Variants in SHANK1 observed in about 807,000 individuals in gnomAD.
The protein encoded by SHANK1 is SH3 and multiple ankyrin repeat domains 1.
SHANK1 carries 35 observed loss-of-function variants against 165.6 expected under a neutral mutation model. The observed-to-expected ratio is 0.21, with a 90% CI of 0.16 to 0.28. The LOEUF (loss-of-function observed/expected upper bound fraction) is 0.28. SHANK1 is among the 10% of genes least tolerant of loss of function. The pLI is 1.00. For missense variants in SHANK1, 2,681 were observed against 3,036.4 expected, an observed-to-expected ratio of 0.88 and a Z score of 2.75; for synonymous variants, 1,428 against 1,384.8, an observed-to-expected ratio of 1.03 and a Z score of -0.69.
At chr19:50,669,338 T>G in intron 22 of SHANK1, 53 bp from the exon 23 acceptor site, 2 of 1,208,862 alleles carry the variant, frequency 1.7e-6, no homozygotes, top group Non-Finnish European at 2.4e-6. Flanking sequence ...AGGGTCTCCC[T>G]GCTCCACTAT....
chr19:50,686,502 C>A lies in SHANK1; in HGVS notation c.2459-147G>T. The A allele has an allele frequency of 1.4e-6, 1 of 720,406 alleles. No individual in the cohort carries two copies. Among genetic ancestry groups the A allele is most frequent in the East Asian group, 2.6e-5 (1 of 38,582 alleles). 44.6% of individuals were successfully genotyped at this position (720,406 alleles called of 1,614,324 possible). On this transcript the variant is annotated intron_variant, in intron 20 of 23. Transcript: ENST00000293441. This position sits in a 1 kb window ranked among gnomAD's most constrained non-coding sequence, Gnocchi z 5.7. ...GCAGCCCTGCCTGGGTCCGGGTGGA[C>A]GGGCAGTCCCGCTTGGAGACACAAT...
Position 50,667,649 on chromosome 19 carries a change from C to A in SHANK1, c.4311G>T (p.Pro1437=). 7.1e-7 allele frequency: 1 copy of A among 1,401,512 alleles called. No homozygotes were observed. 86.8% of individuals were successfully genotyped at this position (1,401,512 alleles called of 1,614,324 possible). Residue 1437 remains proline (P), a synonymous_variant, in exon 23 of 24, where the codon CCG becomes CCT. Transcript: ENST00000293441. This position sits in a 1 kb window ranked among gnomAD's most constrained non-coding sequence, Gnocchi z 5.7. ...GSQEKSLPAS[P]PAARRSLLHR... is the part of the protein sequence containing the mutation. ...GTAGCAGGGAACGCCGGGCGGCGGGCGGGCTGGCGGGAAGGGACTTCTCCT... is the reference window on the plus strand; with the variant it reads ...GTAGCAGGGAACGCCGGGCGGCGGGAGGGCTGGCGGGAAGGGACTTCTCCT...
chr19:50,681,551 G>A (rs118001464), intron 21 of SHANK1, among the ~76,000 whole-genome samples: 3,953 of 152,260 alleles, frequency 0.026, 69 homozygotes, highest in Non-Finnish European at 0.04. Flanking sequence ...AACTGGGTTC[G>A]TGCAGGGTAG....
At position 50,668,982 on chromosome 19, in the gene SHANK1, A is replaced by C; in HGVS notation, c.2978T>G (p.Leu993Arg). ...GGGCGGGTGGTGGTGGGCCGGGGGC[A>C]GGGGCCCACTGTGGTACAGGCTCTT... is the stretch of plus-strand genomic sequence containing the variant. ...REKSLYHSGP[L>R]PPAHHHPPHH... Residue 993 changes from leucine (L) to arginine (R), a missense_variant, in exon 23 of 24, where the codon CTG (leucine) becomes CGG (arginine). Leu to Arg is a moderately radical substitution (Grantham distance 102). Transcript: ENST00000293441. 3.8e-6 allele frequency: 2 copies of C among 530,154 alleles called. No homozygotes were observed. The highest frequency in any genetic ancestry group is 5.9e-6 in the Non-Finnish European group (2 of 339,908). 32.8% of individuals were successfully genotyped at this position (530,154 alleles called of 1,614,324 possible). A position where few individuals can be genotyped will look rare whatever the true frequency, so the allele number is the denominator to read the frequency against.
chr19:50,676,136 C>T (rs1323576603), intron 21 of SHANK1, among the ~76,000 whole-genome samples: 1 of 130,708 alleles, frequency 7.7e-6, no homozygotes. Context: ...TGTCTCACCC[C>T]CAATTTTTTT....
chr19:50,668,982 AG>A lies in SHANK1; in HGVS notation c.2977del (p.Leu993CysfsTer350). 1.9e-6 allele frequency: 1 copy of A among 530,154 alleles called. No homozygotes were observed. The highest frequency in any genetic ancestry group is 2.3e-5 in the South Asian group (1 of 44,284). The allele number at this position is 530,154 out of a possible 1,614,324, so 32.8% of individuals were successfully genotyped here. A position where few individuals can be genotyped will look rare whatever the true frequency, so the allele number is the denominator to read the frequency against. On this transcript the variant is annotated frameshift_variant, in exon 23 of 24. Transcript: ENST00000293441. LOFTEE classifies it high-confidence loss of function. ...GGGCGGGTGGTGGTGGGCCGGGGGC[AG>A]GGGCCCACTGTGGTACAGGCTCTTC... ...REKSLYHSGP[L>X]PPAHHHPPHH...
chr19:50,672,158 A>G (rs1985816968), intron 21 of SHANK1, 44 bp from the exon 22 acceptor site: 1 of 1,488,282 alleles, frequency 6.7e-7, no homozygotes, highest in Non-Finnish European at 9.3e-7. Context: ...AAAGATAGAG[A>G]GAGATCAGTC....
chr19:50,678,357 G>A (rs919963640), intron 21 of SHANK1, among the ~76,000 whole-genome samples: 5 of 152,018 alleles, frequency 3.3e-5, no homozygotes, highest in Non-Finnish European at 7.4e-5. Context: ...AGTCCAGGCA[G>A]GAGAGGACAG....
At position 50,703,795 on chromosome 19, in the gene SHANK1, G is replaced by A; in HGVS notation, c.1258C>T (p.Arg420Ter). The A allele has an allele frequency of 1.4e-6, 2 of 1,427,554 alleles. No homozygotes were observed. The highest frequency in any genetic ancestry group is 1.8e-6 in the Non-Finnish European group (2 of 1,095,576). The allele number at this position is 1,427,554 out of a possible 1,614,324, so 88.4% of individuals were successfully genotyped here. ...FQESPKYAARRRGPPGTGLTV... is the reference protein window; with the variant it reads ...FQESPKYAAR ...AGCCCTGTGCCTGGGGGCCCCCGTC[G>A]CCGGGCCGCGTACTTGGGGGACTCC... The change falls in exon 11 of 24, where the codon CGA becomes TGA. Residue 420 changes from arginine to a stop codon, truncating the protein, a stop_gained. Coordinates refer to ENST00000293441, the MANE Select transcript of SHANK1 (RefSeq NM_016148.5). LOFTEE classifies it high-confidence loss of function.
At chr19:50,705,384 A>G (rs2123181651) in intron 8 of SHANK1, among the ~76,000 whole-genome samples, 2 of 152,330 alleles carry the variant, frequency 1.3e-5, no homozygotes, top group Middle Eastern at 6.8e-3. Context: ...TGTTGAAATG[A>G]TAATGTTTTA....
rs1416334959 is a variant in SHANK1, at chr19:50,659,777, C to A, written c.*2188G>T. On this transcript the variant is annotated 3_prime_UTR_variant, in exon 24 of 24. Coordinates refer to ENST00000293441, the MANE Select transcript of SHANK1 (RefSeq NM_016148.5). ...TCCCCACCCCGACCTCTCCTCCCCC[C>A]CCCACCCCCTACACCCTCCCCAACC... Among the ~76,000 whole-genome samples the A allele has an allele frequency of 2.8e-5, 4 of 143,824 alleles. No homozygotes were observed. The highest frequency in any genetic ancestry group is 4.6e-5 in the Non-Finnish European group (3 of 65,066). 94.4% of individuals were successfully genotyped at this position (143,824 alleles called of 152,430 possible).
intron 23 of SHANK1, among the ~76,000 whole-genome samples, chr19:50,665,469 A>C (rs1985444206): frequency 7.1e-6 from 1 of 141,466 alleles, no homozygotes; most frequent in East Asian, 2.3e-4. Flanking sequence ...CAGGAGGCTG[A>C]GGCTGGAGAA....
At chr19:50,710,269 T>C (rs540894952) in intron 8 of SHANK1, among the ~76,000 whole-genome samples, 2 of 152,316 alleles carry the variant, frequency 1.3e-5, no homozygotes, top group African/African-American at 4.8e-5. Flanking sequence ...GCTCCAGGCA[T>C]ACTGCTGGCT....
rs75700708 is a variant in SHANK1, at chr19:50,666,880, C to T, written c.5080G>A (p.Ala1694Thr). 7 of 1,583,808 alleles carry T rather than the reference C, an allele frequency of 4.4e-6. No individual in the cohort carries two copies. The highest frequency in any genetic ancestry group is 1.7e-4 in the Middle Eastern group (1 of 6,018). Reference sequence around the variant, plus strand: ...GCAGATAGGCTGCTCAGCGTGGAGGCGCTGCTGATGGTCTCCAGTGGGTGG... The same window carrying T: ...GCAGATAGGCTGCTCAGCGTGGAGGTGCTGCTGATGGTCTCCAGTGGGTGG... ...SDHPLETISSASTLSSLSAEG... is the reference protein window; with the variant it reads ...SDHPLETISSTSTLSSLSAEG... Residue 1694 changes from alanine (A) to threonine (T), a missense_variant, in exon 23 of 24, where the codon GCC becomes ACC. By Grantham distance (58) the Ala-to-Thr change is moderately conservative. Coordinates refer to ENST00000293441, the MANE Select transcript of SHANK1 (RefSeq NM_016148.5).
chr19:50,710,057 T>C (rs1374314041), intron 8 of SHANK1, among the ~76,000 whole-genome samples: 1 of 152,060 alleles, frequency 6.6e-6, no homozygotes, highest in East Asian at 1.9e-4. Flanking sequence ...GGATGGAGCC[T>C]CAAAGAGGGG....
chr19:50,709,383 C>T (rs1472169497), intron 8 of SHANK1, among the ~76,000 whole-genome samples: 1 of 152,086 alleles, frequency 6.6e-6, no homozygotes, highest in African/African-American at 2.4e-5. Context: ...CCTAGTGATC[C>T]GCCCGCCTCG....
Position 50,662,858 on chromosome 19 carries a change from G to A in SHANK1, c.5769-176C>T, listed in dbSNP as rs1985323586. 6.6e-6 allele frequency among the ~76,000 whole-genome samples: 1 copy of A among 151,962 alleles called. No homozygotes were observed. Among genetic ancestry groups the A allele is most frequent in the Non-Finnish European group, 1.5e-5 (1 of 67,982 alleles). On this transcript the variant is annotated intron_variant, in intron 23 of 23. Coordinates refer to ENST00000293441, the MANE Select transcript of SHANK1 (RefSeq NM_016148.5). This position sits in a 1 kb window ranked among gnomAD's most constrained non-coding sequence, Gnocchi z 7.7. ...GGAGCAAGGGGTAAGACGGCCGGCC[G>A]TCGAGGAAAGAAATGAAGGGAGAGA... is the stretch of plus-strand genomic sequence containing the variant.
At chr19:50,693,191 C>G (rs1986597648) in intron 15 of SHANK1, among the ~76,000 whole-genome samples, 1 of 149,914 alleles carries the variant, frequency 6.7e-6, no homozygotes, top group South Asian at 2.1e-4. Flanking sequence ...TTGGTATTCT[C>G]CCCCTACTGC....
chr19:50,701,348 A>ATTTTTTTTT (rs35759880), intron 12 of SHANK1, among the ~76,000 whole-genome samples: 1 of 140,600 alleles, frequency 7.1e-6, no homozygotes, highest in African/African-American at 2.6e-5. Context: ...CACCTGGCTA[A>ATTTTTTTTT]TTTTTTTTTT....
Sources: allele counts gnomAD v4.1 joint callset (sites outside exome capture counted in the v4.1 genomes callset), GRCh38; gene constraint gnomAD v4.1.1; non-coding constraint Gnocchi (gnomAD v3.1); transcripts MANE v1.5; gene names NCBI Gene and HGNC (gene_info 2026-07-23, HGNC 2026-07-21).